Variants in COL11A1 observed in about 807,000 individuals in gnomAD.
The protein encoded by COL11A1 is collagen alpha-1(XI) chain.
COL11A1 carries 74 observed loss-of-function variants against 265.2 expected under a neutral mutation model. The observed-to-expected ratio is 0.28, with a 90% CI of 0.23 to 0.34. COL11A1 has a LOEUF of 0.34. Ranked by LOEUF, COL11A1 falls within the 10% of genes least tolerant of loss-of-function variation. COL11A1 has a pLI of 1.00. For synonymous variants in COL11A1, 816 were observed against 727.6 expected, an observed-to-expected ratio of 1.12 and a Z score of -1.96; for missense variants, 2,165 against 2,263.6, an observed-to-expected ratio of 0.96 and a Z score of 0.88.
intron 29 of COL11A1, among the ~76,000 whole-genome samples, chr1:102,989,141 G>T (rs1230185042): frequency 1.3e-5 from 2 of 151,894 alleles, no homozygotes; most frequent in Non-Finnish European, 1.5e-5. Context: ...TTTCCAGGCA[G>T]CATAGCTCAT....
chr1:102,908,526 A>G (rs1654262475), intron 54 of COL11A1, among the ~76,000 whole-genome samples: 1 of 152,114 alleles, frequency 6.6e-6, no homozygotes, highest in Non-Finnish European at 1.5e-5. Flanking sequence ...ATGATTATAA[A>G]TCAATTAGAA....
At chr1:103,020,935 T>TTC (rs1428308509) in intron 9 of COL11A1, among the ~76,000 whole-genome samples, 43 of 140,684 alleles carry the variant, frequency 3.1e-4, no homozygotes, top group Non-Finnish European at 5.0e-4. Context: ...CTCTGTTCTG[T>TTC]CAATGGAACA....
At chr1:103,030,972 C>T in intron 5 of COL11A1, 144 bp downstream of exon 5, 1 of 1,071,076 alleles carries the variant, frequency 9.3e-7, no homozygotes, top group Admixed American at 2.1e-5. Flanking sequence ...ATTCAAGTCA[C>T]TTTTTCCTGG....
intron 4 of COL11A1, among the ~76,000 whole-genome samples, chr1:103,067,068 A>G (rs1209544438): frequency 6.6e-6 from 1 of 151,996 alleles, no homozygotes; most frequent in Non-Finnish European, 1.5e-5. Context: ...CAATTACACA[A>G]TTATGGTAGA....
At chr1:103,059,863 A>T (rs1007146678) in intron 4 of COL11A1, among the ~76,000 whole-genome samples, 3 of 152,116 alleles carry the variant, frequency 2.0e-5, no homozygotes, top group African/African-American at 7.2e-5. Context: ...ACTAAACAGG[A>T]TATCTAAAAG....
intron 1 of COL11A1, among the ~76,000 whole-genome samples, chr1:103,087,796 C>CT (rs1392399246): frequency 4.6e-5 from 7 of 152,246 alleles, no homozygotes; most frequent in Non-Finnish European, 1.0e-4. Flanking sequence ...ACCTTTCATA[C>CT]TTTTTTAAAA....
At chr1:103,071,817 T>C (rs1357281009) in intron 4 of COL11A1, among the ~76,000 whole-genome samples, 2 of 73,908 alleles carry the variant, frequency 2.7e-5, no homozygotes, top group Non-Finnish European at 5.5e-5. Context: ...AAACTACACA[T>C]TAATGGATAA....
chr1:102,989,304 A>G (rs1198614595), intron 29 of COL11A1, among the ~76,000 whole-genome samples: 1 of 151,910 alleles, frequency 6.6e-6, no homozygotes, highest in Non-Finnish European at 1.5e-5. Flanking sequence ...TATGGAACCT[A>G]TGGAAATATA....
In COL11A1 at chr1:102,883,321, A is replaced by G. The variant is rs1197395442; in HGVS notation, c.4859-10T>C. On this transcript the variant is annotated splice_polypyrimidine_tract_variant and intron_variant, in intron 63 of 66. Coordinates refer to ENST00000370096, the MANE Select transcript of COL11A1 (RefSeq NM_001854.4). Reference sequence around the variant, plus strand: ...TCAATCCAATATTCACCTAGAAGGTAGCAAAAAATATGTCATATAAAAATT... The same window carrying G: ...TCAATCCAATATTCACCTAGAAGGTGGCAAAAAATATGTCATATAAAAATT... The G allele has an allele frequency of 1.1e-5, 17 of 1,529,508 alleles. No homozygotes were observed. Among genetic ancestry groups the G allele is most frequent in the Non-Finnish European group, 1.5e-5 (16 of 1,103,352 alleles). 94.7% of individuals were successfully genotyped at this position (1,529,508 alleles called of 1,614,324 possible). A position where few individuals can be genotyped will look rare whatever the true frequency, so the allele number is the denominator to read the frequency against.
chr1:102,968,564 G>T (rs768494065), intron 37 of COL11A1, among the ~76,000 whole-genome samples: 12 of 152,102 alleles, frequency 7.9e-5, no homozygotes, highest in Middle Eastern at 3.2e-3. Context: ...ATTTAAATAA[G>T]ATAATAAATA....
At chr1:102,981,135 G>GT (rs1416245992) in intron 31 of COL11A1, among the ~76,000 whole-genome samples, 1 of 152,010 alleles carries the variant, frequency 6.6e-6, no homozygotes, top group African/African-American at 2.4e-5. Context: ...CTGCTAAGCT[G>GT]TTTTTTATAA....
At chr1:102,917,927 T>G (rs1655536468) in intron 49 of COL11A1, among the ~76,000 whole-genome samples, 1 of 151,702 alleles carries the variant, frequency 6.6e-6, no homozygotes, top group African/African-American at 2.4e-5. Context: ...CCATTTAGTA[T>G]GTTAGATCCA....
Position 102,878,116 on chromosome 1 carries a change from A to G in COL11A1, c.5324T>C (p.Ile1775Thr), listed in dbSNP as rs1268535546. ...KTVIEINTPK[I>T]DQVPIVDVMI... ...GACATCAACAATAGGTACTTGATCA[A>G]TTTTTGGTGTATTGATTTCAATGAC... Residue 1775 changes from isoleucine to threonine, a missense_variant, in exon 67 of 67, where the codon ATT (isoleucine) becomes ACT (threonine). Transcript: ENST00000370096. 6.2e-7 allele frequency: 1 copy of G among 1,613,436 alleles called. No homozygotes were observed. The highest frequency in any genetic ancestry group is 2.2e-5 in the East Asian group (1 of 44,834).
chr1:102,898,281 T>A (rs890533489), intron 56 of COL11A1, 103 bp from the exon 57 acceptor site: 2 of 509,306 alleles, frequency 3.9e-6, no homozygotes, highest in Non-Finnish European at 5.8e-6. Context: ...AAAGGAAATA[T>A]CACCCTTAAG....
intron 1 of COL11A1, among the ~76,000 whole-genome samples, chr1:103,106,090 T>C (rs766626117): frequency 3.3e-5 from 5 of 152,198 alleles, no homozygotes; most frequent in African/African-American, 4.8e-5. Context: ...GATGTGGTAC[T>C]GGGATGCTGT....
At chr1:102,894,881 T>C (rs1652224815) in intron 57 of COL11A1, among the ~76,000 whole-genome samples, 1 of 152,140 alleles carries the variant, frequency 6.6e-6, no homozygotes, top group Non-Finnish European at 1.5e-5. Flanking sequence ...GTTCAAGCTA[T>C]TCTCCCACCT....
chr1:102,960,405 A>G (rs1032610023), intron 41 of COL11A1, among the ~76,000 whole-genome samples: 2 of 152,136 alleles, frequency 1.3e-5, no homozygotes, highest in African/African-American at 2.4e-5. Flanking sequence ...GGTAACTCAC[A>G]GCCTAATGCG....
At chr1:102,922,773 A>G (rs1656143043) in intron 47 of COL11A1, among the ~76,000 whole-genome samples, 1 of 152,200 alleles carries the variant, frequency 6.6e-6, no homozygotes, top group Non-Finnish European at 1.5e-5. Flanking sequence ...AATATAATAG[A>G]TTTGAGTGTA....
intron 1 of COL11A1, among the ~76,000 whole-genome samples, chr1:103,085,160 T>C (rs1002444292): frequency 6.6e-6 from 1 of 152,238 alleles, no homozygotes; most frequent in South Asian, 2.1e-4. Context: ...TGAGTGCTTT[T>C]GTACTGCATT....
Sources: allele counts gnomAD v4.1 joint callset (sites outside exome capture counted in the v4.1 genomes callset), GRCh38; gene constraint gnomAD v4.1.1; transcripts MANE v1.5; gene names NCBI Gene and HGNC (gene_info 2026-07-23, HGNC 2026-07-21).